Variants in OLA1 observed in about 807,000 individuals in gnomAD.
The protein encoded by OLA1 is Obg like ATPase 1, also known as obg-like ATPase 1.
OLA1 carries 14 observed loss-of-function variants against 48.4 expected under a neutral mutation model. That is an observed-to-expected ratio of 0.29 (90% confidence interval 0.19 to 0.45). The LOEUF (loss-of-function observed/expected upper bound fraction) is 0.45, where lower values mean the gene tolerates loss of function less well. OLA1 is among the 20% of genes least tolerant of loss of function. The probability of loss-of-function intolerance (pLI) is 1.00; values close to 1 mark genes in which losing one functional copy is unlikely to be tolerated. For synonymous variants in OLA1, 127 were observed against 150.4 expected, an observed-to-expected ratio of 0.84 and a Z score of 1.14; for missense variants, 325 against 467.1, an observed-to-expected ratio of 0.70 and a Z score of 2.80.
intron 4 of OLA1, among the ~76,000 whole-genome samples, chr2:174,197,100 A>G (rs1292305443): frequency 6.6e-6 from 1 of 152,192 alleles, no homozygotes; most frequent in Non-Finnish European, 1.5e-5. Flanking sequence ...CAGACCATGG[A>G]GAAGACCTTG....
At chr2:174,214,352 C>CGGT (rs1688314357) in intron 4 of OLA1, among the ~76,000 whole-genome samples, 1 of 151,984 alleles carries the variant, frequency 6.6e-6, no homozygotes, top group African/African-American at 2.4e-5. Context: ...AATAAATAAA[C>CGGT]AGTACTAACT....
At chr2:174,246,628 G>C (rs1255976114) in intron 2 of OLA1, 87 bp downstream of exon 2, 2 of 860,858 alleles carry the variant, frequency 2.3e-6, no homozygotes, top group African/African-American at 3.4e-5. Context: ...TCAACTTAAA[G>C]TTTAATTACC....
rs1336630579 is a variant in OLA1, at chr2:174,236,234, G to C, written c.102-6783C>G. On this transcript the variant is annotated intron_variant, in intron 2 of 10. Coordinates refer to ENST00000284719, the MANE Select transcript of OLA1 (RefSeq NM_013341.5). Reference sequence around the variant, plus strand: ...AAATACAAATATAGTAATGAGAGATGAAGTAGCATAAAAGGACCTTAAAAT... The same window carrying C: ...AAATACAAATATAGTAATGAGAGATCAAGTAGCATAAAAGGACCTTAAAAT... Among the ~76,000 whole-genome samples, 9 of 151,742 alleles carry C rather than the reference G, an allele frequency of 5.9e-5. No individual in the cohort carries two copies. In the East Asian group the frequency reaches 1.7e-3, roughly 29 times the overall value.
chr2:174,113,023 C>G (rs578102362), intron 7 of OLA1, among the ~76,000 whole-genome samples: 24 of 152,262 alleles, frequency 1.6e-4, no homozygotes, highest in African/African-American at 5.5e-4. Flanking sequence ...TCACTGCAAC[C>G]TCCATCTCCC....
intron 4 of OLA1, among the ~76,000 whole-genome samples, chr2:174,189,438 A>T (rs1687728541): frequency 6.6e-6 from 1 of 152,200 alleles, no homozygotes; most frequent in African/African-American, 2.4e-5. Flanking sequence ...GGTGTTAAGA[A>T]ATTTAAAAAT....
intron 2 of OLA1, among the ~76,000 whole-genome samples, chr2:174,242,523 G>C (rs1689027455): frequency 6.6e-6 from 1 of 152,196 alleles, no homozygotes; most frequent in Non-Finnish European, 1.5e-5. Flanking sequence ...ATGAGGATGA[G>C]GCCACATCCT....
At chr2:174,149,846 A>G (rs1686703707) in intron 4 of OLA1, among the ~76,000 whole-genome samples, 1 of 152,240 alleles carries the variant, frequency 6.6e-6, no homozygotes, top group Admixed American at 6.5e-5. Context: ...CACTCTGTTT[A>G]GGATGCTGAA....
intron 4 of OLA1, among the ~76,000 whole-genome samples, chr2:174,174,035 C>CAAAAAAAAAAAAAAA (rs112671944): frequency 7.4e-6 from 1 of 135,600 alleles, no homozygotes; most frequent in Non-Finnish European, 1.6e-5. Context: ...CACACACACA[C>CAAAAAAAAAAAAAAA]AAAAAAAAAA....
At position 174,202,270 on chromosome 2, in the gene OLA1, T is replaced by C. The variant is rs533383183; in HGVS notation, c.373+20763A>G. 3.3e-5 allele frequency among the ~76,000 whole-genome samples: 5 copies of C among 152,210 alleles called. No individual in the cohort carries two copies. In the South Asian group the frequency reaches 1.0e-3, roughly 32 times the overall value. ...AAAGAAATGTAAACAAACATAAAGA[T>C]GCAGTATGAAATCATAACTGCATAA... On this transcript the variant is annotated intron_variant, in intron 4 of 10. Coordinates refer to ENST00000284719, the MANE Select transcript of OLA1 (RefSeq NM_013341.5).
At chr2:174,134,092 T>C (rs914017965) in intron 5 of OLA1, among the ~76,000 whole-genome samples, 8 of 152,248 alleles carry the variant, frequency 5.3e-5, no homozygotes, top group East Asian at 3.8e-4. Context: ...CTCATGCACA[T>C]TGTAGTATCA....
At chr2:174,142,149 C>T in intron 4 of OLA1, 149 bp from the exon 5 acceptor site, 2 of 678,064 alleles carry the variant, frequency 2.9e-6, no homozygotes, top group South Asian at 4.1e-5. Flanking sequence ...CATTTTTCCC[C>T]CATTTAGTAA....
intron 5 of OLA1, among the ~76,000 whole-genome samples, chr2:174,131,428 C>A (rs1686178026): frequency 6.6e-6 from 1 of 152,050 alleles, no homozygotes; most frequent in Non-Finnish European, 1.5e-5. Context: ...CATTCTTGTA[C>A]ATATATTTTG....
chr2:174,123,472 G>GCAAT (rs1174252664), intron 6 of OLA1, 123 bp downstream of exon 6: 2 of 641,108 alleles, frequency 3.1e-6, no homozygotes, highest in African/African-American at 3.8e-5. Context: ...CCAGGAATAA[G>GCAAT]CAATCACTGA....
chr2:174,103,952 A>C (rs2105354432), intron 7 of OLA1, among the ~76,000 whole-genome samples: 1 of 151,734 alleles, frequency 6.6e-6, no homozygotes, highest in East Asian at 1.9e-4. Flanking sequence ...CGTAGGGGGA[A>C]GTGGTATGGG....
intron 4 of OLA1, among the ~76,000 whole-genome samples, chr2:174,166,789 G>A (rs1687175445): frequency 6.6e-6 from 1 of 152,004 alleles, no homozygotes; most frequent in South Asian, 2.1e-4. Context: ...TGTATTTCTT[G>A]TACTGTTGAT....
chr2:174,094,579 A>T (rs930104387), intron 7 of OLA1, among the ~76,000 whole-genome samples: 1 of 152,352 alleles, frequency 6.6e-6, no homozygotes, highest in African/African-American at 2.4e-5. Flanking sequence ...ACGAGACTAG[A>T]CGTAAAGATC....
At chr2:174,191,432 A>G (rs1175674421) in intron 4 of OLA1, among the ~76,000 whole-genome samples, 1 of 152,036 alleles carries the variant, frequency 6.6e-6, no homozygotes, top group East Asian at 1.9e-4. Context: ...TTCCCCTAAA[A>G]TGAAAATTCT....
chr2:174,241,826 G>A (rs989906445), intron 2 of OLA1, among the ~76,000 whole-genome samples: 2 of 152,128 alleles, frequency 1.3e-5, no homozygotes, highest in African/African-American at 4.8e-5. Flanking sequence ...AGTAGACATG[G>A]GGTTTCACCA....
chr2:174,196,655 T>C (rs1470345883), intron 4 of OLA1, among the ~76,000 whole-genome samples: 10 of 152,216 alleles, frequency 6.6e-5, no homozygotes, highest in Non-Finnish European at 1.5e-4. Context: ...CACAAGTAAT[T>C]TCTATGCTGC....
Sources: allele counts gnomAD v4.1 joint callset (sites outside exome capture counted in the v4.1 genomes callset), GRCh38; gene constraint gnomAD v4.1.1; transcripts MANE v1.5; gene names NCBI Gene and HGNC (gene_info 2026-07-23, HGNC 2026-07-21).